TBCA: variants seen among roughly 807,000 people sequenced by gnomAD.
TBCA encodes the protein tubulin folding cofactor A, also known as tubulin-specific chaperone A.
TBCA carries 6 observed loss-of-function variants against 15.8 expected under a neutral mutation model. The ratio of observed to expected loss-of-function variants is 0.38; its 90% confidence interval spans 0.21 to 0.75. TBCA has a LOEUF of 0.75. TBCA is among the 30% of genes least tolerant of loss of function. The pLI is 0.46. For synonymous variants in TBCA, 32 were observed against 42.3 expected, an observed-to-expected ratio of 0.76 and a Z score of 0.94; for missense variants, 90 against 131.2, an observed-to-expected ratio of 0.69 and a Z score of 1.53.
chr5:77,692,505 C>CTCAA (rs1278806836), intron 3 of TBCA: 16 of 936,334 alleles, frequency 1.7e-5, no homozygotes, highest in Non-Finnish European at 2.0e-5. Flanking sequence ...TCAGGCTGGT[C>CTCAA]TTGAACTCCT....
At chr5:77,692,251 A>G in intron 3 of TBCA, 2 of 985,376 alleles carry the variant, frequency 2.0e-6, no homozygotes, top group Non-Finnish European at 1.2e-6. Flanking sequence ...GTATGTGTGT[A>G]TTTAATATGA....
At chr5:77,750,092 T>G (rs1300527842) in intron 1 of TBCA, among the ~76,000 whole-genome samples, 1 of 151,938 alleles carries the variant, frequency 6.6e-6, no homozygotes, top group Non-Finnish European at 1.5e-5. Context: ...TCCTGTTTCC[T>G]GTTTCACCGT....
chr5:77,750,268 T>C (rs1023413345), intron 1 of TBCA, among the ~76,000 whole-genome samples: 3 of 152,016 alleles, frequency 2.0e-5, no homozygotes, highest in African/African-American at 7.2e-5. Context: ...TCAAATATTT[T>C]AAAATATATT....
chr5:77,730,191 T>C (rs894465187), intron 1 of TBCA, among the ~76,000 whole-genome samples: 9 of 152,200 alleles, frequency 5.9e-5, no homozygotes, highest in Admixed American at 2.0e-4. Context: ...TTTGGAAATA[T>C]CGATTTTGTA....
At chr5:77,695,822 A>G (rs1393263412) in intron 2 of TBCA, among the ~76,000 whole-genome samples, 1 of 152,206 alleles carries the variant, frequency 6.6e-6, no homozygotes, top group Non-Finnish European at 1.5e-5. Context: ...GGAGATGCAA[A>G]GAACCTTAGA....
At chr5:77,712,103 G>A (rs189652463) in intron 1 of TBCA, among the ~76,000 whole-genome samples, 1 of 152,198 alleles carries the variant, frequency 6.6e-6, no homozygotes, top group Non-Finnish European at 1.5e-5. Context: ...ACAAATCAAT[G>A]TACTGATGAC....
At chr5:77,738,359 A>G (rs1293140844) in intron 1 of TBCA, among the ~76,000 whole-genome samples, 1 of 152,216 alleles carries the variant, frequency 6.6e-6, no homozygotes, top group East Asian at 1.9e-4. Context: ...TTTGCTATAT[A>G]TATGGCCCTA....
Position 77,691,259 on chromosome 5 carries a change from T to A in TBCA, c.*159A>T. On this transcript the variant is annotated 3_prime_UTR_variant, in exon 4 of 4. Transcript: ENST00000380377. ...TAAACAATTTTATTAGATGAACTCA[T>A]TTATTTGACATATTAAATTAGACAA... 1.6e-6 allele frequency: 1 copy of A among 642,138 alleles called. No homozygotes were observed. 39.8% of individuals were successfully genotyped at this position (642,138 alleles called of 1,614,324 possible).
At chr5:77,751,663 C>T (rs1747346365) in intron 1 of TBCA, among the ~76,000 whole-genome samples, 1 of 152,266 alleles carries the variant, frequency 6.6e-6, no homozygotes, top group Non-Finnish European at 1.5e-5. Flanking sequence ...TGTAACCGCC[C>T]AAGGGGTTCA....
intron 1 of TBCA, chr5:77,715,359 G>C: frequency 1.5e-6 from 1 of 686,950 alleles, no homozygotes; most frequent in Non-Finnish European, 2.6e-6. Flanking sequence ...TGTGCTATAG[G>C]CCTGAAAAAC....
intron 1 of TBCA, among the ~76,000 whole-genome samples, chr5:77,748,562 G>A (rs1019650244): frequency 2.6e-4 from 40 of 151,498 alleles, no homozygotes; most frequent in African/African-American, 8.2e-4. Flanking sequence ...CATCTCTGCC[G>A]GCCTAATTTG....
chr5:77,769,789 T>G (rs1035295675), intron 1 of TBCA, among the ~76,000 whole-genome samples: 1 of 152,176 alleles, frequency 6.6e-6, no homozygotes, highest in Non-Finnish European at 1.5e-5. Flanking sequence ...GTTAAAAGAC[T>G]GTTAAAGTTA....
chr5:77,760,543 CTGCCGAG>C (rs1397907757), intron 1 of TBCA, among the ~76,000 whole-genome samples: 1 of 152,204 alleles, frequency 6.6e-6, no homozygotes, highest in East Asian at 1.9e-4. Flanking sequence ...CTGCCTCGGC[CTGCCGAG>C]TGCCTAGGAT....
chr5:77,761,502 A>T (rs1237837320), intron 1 of TBCA, among the ~76,000 whole-genome samples: 1 of 151,992 alleles, frequency 6.6e-6, no homozygotes, highest in Non-Finnish European at 1.5e-5. Context: ...ACACTGTGGA[A>T]GGCCACAGGG....
chr5:77,752,986 C>A (rs1747388387), intron 1 of TBCA, among the ~76,000 whole-genome samples: 1 of 152,132 alleles, frequency 6.6e-6, no homozygotes, highest in African/African-American at 2.4e-5. Context: ...AGCCACCGCA[C>A]CCGGCCTAAT....
At chr5:77,750,586 A>C (rs1176384635) in intron 1 of TBCA, among the ~76,000 whole-genome samples, 1 of 152,254 alleles carries the variant, frequency 6.6e-6, no homozygotes, top group African/African-American at 2.4e-5. Context: ...AGTAGTAGCA[A>C]AAGAAGCAGT....
At chr5:77,705,502 T>G in intron 2 of TBCA, 1 of 398,276 alleles carries the variant, frequency 2.5e-6, no homozygotes, top group Non-Finnish European at 4.4e-6. Flanking sequence ...ACATTCCATA[T>G]GTAAATCCTT....
chr5:77,710,397 T>A (rs1746248318), intron 1 of TBCA, among the ~76,000 whole-genome samples: 1 of 152,200 alleles, frequency 6.6e-6, no homozygotes, highest in Non-Finnish European at 1.5e-5. Context: ...TTAATGCATA[T>A]CACAAAAGAT....
intron 2 of TBCA, among the ~76,000 whole-genome samples, chr5:77,699,033 C>CAAAAGAAAAAA (rs1745939370): frequency 1.4e-5 from 1 of 70,100 alleles, no homozygotes; most frequent in Non-Finnish European, 2.4e-5. Flanking sequence ...GCAAGAGCAT[C>CAAAAGAAAAAA]AAAAAAAAAA....
Sources: gnomAD v4.1 joint callset for allele counts (sites outside exome capture counted in the v4.1 genomes callset) on GRCh38, gnomAD v4.1.1 for gene constraint, MANE v1.5 for transcripts, NCBI Gene and HGNC (gene_info 2026-07-23, HGNC 2026-07-21) for gene names.